KCNQ3: variants seen among roughly 807,000 people sequenced by gnomAD.
The protein encoded by KCNQ3 is potassium voltage-gated channel subfamily KQT member 3.
Under a neutral mutation model 92.5 loss-of-function variants are expected in KCNQ3, and 30 were observed. The ratio of observed to expected loss-of-function variants is 0.32; its 90% CI spans 0.24 to 0.44. KCNQ3 has a LOEUF of 0.44. KCNQ3 is among the 20% of genes least tolerant of loss of function. The probability of loss-of-function intolerance (pLI) is 1.00; values close to 1 mark genes in which losing one functional copy is unlikely to be tolerated. For synonymous variants in KCNQ3, 450 were observed against 468.8 expected (o/e 0.96, Z 0.52); for missense variants, 913 against 1,140.3 (o/e 0.80, Z 2.87).
chr8:132,407,857 C>A (rs1820533704), intron 1 of KCNQ3, among the ~76,000 whole-genome samples: 2 of 152,310 alleles, frequency 1.3e-5, no homozygotes, highest in Middle Eastern at 3.4e-3. Context: ...GATGCTCAAG[C>A]AGCCCCCAGA....
chr8:132,308,631 T>C (rs1281877334), intron 1 of KCNQ3, among the ~76,000 whole-genome samples: 1 of 152,214 alleles, frequency 6.6e-6, no homozygotes, highest in Non-Finnish European at 1.5e-5. Context: ...ATTATTATTA[T>C]TACCATCAAG....
intron 3 of KCNQ3, among the ~76,000 whole-genome samples, chr8:132,181,462 T>C (rs1324858848): frequency 2.6e-5 from 4 of 152,214 alleles, no homozygotes; most frequent in African/African-American, 2.4e-5. Context: ...TCAGAGTCTT[T>C]AATCTGCAGA....
At chr8:132,430,541 T>C (rs1420605260) in intron 1 of KCNQ3, among the ~76,000 whole-genome samples, 2 of 152,204 alleles carry the variant, frequency 1.3e-5, no homozygotes, top group Non-Finnish European at 2.9e-5. Flanking sequence ...GTTGAGCTAA[T>C]GGATCCATCA....
At chr8:132,324,702 G>A (rs1317921270) in intron 1 of KCNQ3, among the ~76,000 whole-genome samples, 1 of 152,194 alleles carries the variant, frequency 6.6e-6, no homozygotes, top group African/African-American at 2.4e-5. Flanking sequence ...ATCGCATGGA[G>A]AGGGGTAAGG....
chr8:132,394,073 G>A lies in KCNQ3; in HGVS notation c.386+86074C>T, dbSNP rs140743444. ...GGAAACAGCCAAATACCAACCACGT[G>A]CCAGGCACCAGGCTGCCGGCATTAG... On this transcript the variant is annotated intron_variant, in intron 1 of 14. Transcript: ENST00000388996. Among the ~76,000 whole-genome samples the A allele has an allele frequency of 2.1e-3, 315 of 152,284 alleles. 3 individuals are homozygous for A. The highest frequency in any genetic ancestry group is 2.0e-3 in the Non-Finnish European group (135 of 68,018).
At position 132,423,545 on chromosome 8, in the gene KCNQ3, G is replaced by T. The variant is rs578004980; in HGVS notation, c.386+56602C>A. On this transcript the variant is annotated intron_variant, in intron 1 of 14. Transcript: ENST00000388996. ...AAAACAGTTACTTAACCTCCCCATG[G>T]GGCCAAGTCTTCGTCTGTAGCATGA... 4.9e-4 allele frequency among the ~76,000 whole-genome samples: 74 copies of T among 152,282 alleles called. 1 individual carries two copies. In the South Asian group the frequency reaches 0.015, roughly 31 times the overall value.
At chr8:132,348,701 C>T (rs1818768844) in intron 1 of KCNQ3, among the ~76,000 whole-genome samples, 1 of 152,232 alleles carries the variant, frequency 6.6e-6, no homozygotes, top group African/African-American at 2.4e-5. Context: ...TCTGATTCCA[C>T]ACTAACCAGG....
rs1368870697 is a variant in KCNQ3 at position 132,186,931 on chromosome 8, TGTGAGA to T, written c.387-756_387-751del. Among the ~76,000 whole-genome samples, 65 of 110,286 alleles carry T rather than the reference TGTGAGA, an allele frequency of 5.9e-4. No individual in the cohort carries two copies. The South Asian group carries it at 0.02, about 34-fold the overall frequency. The allele number at this position is 110,286 out of a possible 152,430, so 72.4% of individuals were successfully genotyped here. A position where few individuals can be genotyped will look rare whatever the true frequency, so the allele number is the denominator to read the frequency against. ...GCGTGTGTGTGTGTGTGTGTGTGTG[TGTGAGA>T]GAGAGAGAGAGAGAGAGACAGAGAG... On this transcript the variant is annotated intron_variant, in intron 1 of 14. Transcript: ENST00000388996.
In KCNQ3 at chr8:132,444,510, G is replaced by T. The variant is rs997458629; in HGVS notation, c.386+35637C>A. On this transcript the variant is annotated intron_variant, in intron 1 of 14. Coordinates refer to ENST00000388996, the MANE Select transcript of KCNQ3 (RefSeq NM_004519.4). ...CTGGTGCTTTGCAGCCCAGCAGCTG[G>T]GACTGAACTTAGGAAAATCATGTAA... Among the ~76,000 whole-genome samples the T allele has an allele frequency of 2.0e-5, 3 of 152,138 alleles. No homozygotes were observed. The East Asian group carries it at 5.8e-4, about 29-fold the overall frequency.
intron 1 of KCNQ3, among the ~76,000 whole-genome samples, chr8:132,366,980 T>C (rs1009673622): frequency 6.6e-6 from 1 of 152,168 alleles, no homozygotes; most frequent in African/African-American, 2.4e-5. Flanking sequence ...ACTTTGGAAG[T>C]TTTTCTTATT....
In KCNQ3 at chr8:132,299,968, T is replaced by C. The variant is rs553823574; in HGVS notation, c.387-113787A>G. 3.3e-5 allele frequency among the ~76,000 whole-genome samples: 5 copies of C among 152,332 alleles called. No homozygotes were observed. The South Asian group carries it at 1.0e-3, about 32-fold the overall frequency. ...GCTCTCTTAGAACTCCCTGGACATCTTTCTATTTCAGCACCTCTGGTGGGA... is the reference window on the plus strand; with the variant it reads ...GCTCTCTTAGAACTCCCTGGACATCCTTCTATTTCAGCACCTCTGGTGGGA... On this transcript the variant is annotated intron_variant, in intron 1 of 14. Transcript: ENST00000388996.
rs749955464 is a variant in KCNQ3, at chr8:132,372,759, C to CAAAAAA, written c.386+107382_386+107387dup. Among the ~76,000 whole-genome samples, 196 of 67,596 alleles carry CAAAAAA rather than the reference C, an allele frequency of 2.9e-3. 9 individuals carry two copies. The highest frequency in any genetic ancestry group is 6.8e-3 in the East Asian group (13 of 1,906). 44.3% of individuals were successfully genotyped at this position (67,596 alleles called of 152,430 possible). On this transcript the variant is annotated intron_variant, in intron 1 of 14. Coordinates refer to ENST00000388996, the MANE Select transcript of KCNQ3 (RefSeq NM_004519.4). ...TGGGCCACAGAGTGAGACTTTGTCT[C>CAAAAAA]AAAAAAAAAAAAACAAAAAAAAAAA...
chr8:132,122,244 T>C lies in KCNQ3; in HGVS notation c.*7018A>G, dbSNP rs972478138. On this transcript the variant is annotated 3_prime_UTR_variant, in exon 15 of 15. Transcript: ENST00000388996. ...AGACAATAACATCTCCCTCATGGGG[T>C]TGCGATGAGGATTGCATGAACTTTA... 2.0e-5 allele frequency: 3 copies of C among 152,254 alleles called. No homozygotes were observed. Among genetic ancestry groups the C allele is most frequent in the Non-Finnish European group, 2.9e-5 (2 of 68,018 alleles). The allele number at this position is 152,254 out of a possible 1,614,324, so 9.4% of individuals were successfully genotyped here.
At chr8:132,465,127 T>C (rs149965045) in intron 1 of KCNQ3, among the ~76,000 whole-genome samples, 204 of 152,296 alleles carry the variant, frequency 1.3e-3, no homozygotes, top group African/African-American at 4.4e-3. Context: ...AAACCAGAAC[T>C]CCAGCACAGG....
chr8:132,400,157 C>T (rs1392052434), intron 1 of KCNQ3, among the ~76,000 whole-genome samples: 1 of 152,206 alleles, frequency 6.6e-6, no homozygotes, highest in Non-Finnish European at 1.5e-5. Context: ...GTACTATTCA[C>T]CAATTCCATT....
At chr8:132,435,104 G>T (rs1204139202) in intron 1 of KCNQ3, among the ~76,000 whole-genome samples, 1 of 152,206 alleles carries the variant, frequency 6.6e-6, no homozygotes, top group African/African-American at 2.4e-5. Context: ...ACAGGCCTGG[G>T]TGGGGGACAG....
At chr8:132,156,214 C>T (rs79170832) in intron 9 of KCNQ3, among the ~76,000 whole-genome samples, 7,680 of 151,766 alleles carry the variant, frequency 0.051, 307 homozygotes, top group South Asian at 0.12. Flanking sequence ...TTGAAGAGAG[C>T]ATTTACTACA....
rs1824450778 is a variant in KCNQ3 at position 132,121,006 on chromosome 8, T to C, written c.*8256A>G. 6.6e-6 allele frequency: 1 copy of C among 152,160 alleles called. No individual in the cohort carries two copies. Among genetic ancestry groups the C allele is most frequent in the Non-Finnish European group, 1.5e-5 (1 of 68,046 alleles). The allele number at this position is 152,160 out of a possible 1,614,324, so 9.4% of individuals were successfully genotyped here. On this transcript the variant is annotated 3_prime_UTR_variant, in exon 15 of 15. Transcript: ENST00000388996. The stretch of plus-strand genomic sequence containing the variant: ...TATTGGACAGAGCCAGAATATAAAT[T>C]ACACATACAGTTTAAAAATTACAGG...
At chr8:132,219,554 G>A (rs752314205) in intron 1 of KCNQ3, among the ~76,000 whole-genome samples, 1 of 151,864 alleles carries the variant, frequency 6.6e-6, no homozygotes, top group Non-Finnish European at 1.5e-5. Context: ...AAACTTCCCT[G>A]CTGTTCTCTC....
Sources: allele counts gnomAD v4.1 joint callset (sites outside exome capture counted in the v4.1 genomes callset), GRCh38; gene constraint gnomAD v4.1.1; transcripts MANE v1.5; gene names NCBI Gene and HGNC (gene_info 2026-07-23, HGNC 2026-07-21).